Variants in FRAS1 observed in about 807,000 individuals in gnomAD.
The protein encoded by FRAS1 is extracellular matrix organizing protein FRAS1.
In FRAS1, 290 loss-of-function variants were observed where a neutral mutation model predicts 435.2. That is an observed-to-expected ratio of 0.67 (90% CI 0.61 to 0.73). The LOEUF (loss-of-function observed/expected upper bound fraction) is 0.73, where lower values mean the gene tolerates loss of function less well. Among genes scored for constraint, FRAS1 ranks in the 30% least tolerant of loss-of-function variants. The probability of loss-of-function intolerance (pLI) is 0.00; values close to 1 mark genes in which losing one functional copy is unlikely to be tolerated. For missense variants in FRAS1, 4,860 were observed against 5,001.5 expected (o/e 0.97, Z 0.85); for synonymous variants, 1,800 against 1,851.0 (o/e 0.97, Z 0.71).
rs749879792 is a variant in FRAS1 at position 78,541,068 on chromosome 4, A to G, written c.11983A>G (p.Arg3995Gly). The G allele has an allele frequency of 7.0e-7, 1 of 1,419,940 alleles. No individual in the cohort carries two copies. The allele number at this position is 1,419,940 out of a possible 1,614,324, so 88.0% of individuals were successfully genotyped here. A position where few individuals can be genotyped will look rare whatever the true frequency, so the allele number is the denominator to read the frequency against. ...CACGTTCAAAGGTGCTAAAGTCAAAAGACTGAATCTAGAAGTCAGAGTTCA... is the reference window on the plus strand; with the variant it reads ...CACGTTCAAAGGTGCTAAAGTCAAAGGACTGAATCTAGAAGTCAGAGTTCA... ...AYTFKGAKVK[R>G]LNLEVRVHNN... Residue 3995 changes from arginine to glycine, a missense_variant, in exon 74 of 74, where the codon AGA (arginine) becomes GGA (glycine). By Grantham distance (125) the Arg-to-Gly change is moderately radical. Coordinates refer to ENST00000512123, the MANE Select transcript of FRAS1 (RefSeq NM_025074.7).
intron 24 of FRAS1, among the ~76,000 whole-genome samples, chr4:78,373,265 A>G (rs569795500): frequency 2.0e-5 from 3 of 152,066 alleles, no homozygotes; most frequent in East Asian, 3.9e-4. Flanking sequence ...GCTCACAATC[A>G]TCTGTCTCTG....
chr4:78,111,606 G>A (rs1446176175), intron 2 of FRAS1, among the ~76,000 whole-genome samples: 25 of 100,340 alleles, frequency 2.5e-4, no homozygotes, highest in African/African-American at 9.5e-4. Context: ...CTGTGGTGGG[G>A]TCGGGGGAGG....
intron 27 of FRAS1, among the ~76,000 whole-genome samples, chr4:78,380,282 A>G (rs1358638886): frequency 6.6e-6 from 1 of 152,190 alleles, no homozygotes; most frequent in African/African-American, 2.4e-5. Context: ...GGCCCAGCAG[A>G]AACAAAACTG....
rs775451018 is a variant in FRAS1 at position 78,521,569 on chromosome 4, A to C, written c.10587A>C (p.Arg3529Ser). Residue 3529 changes from arginine (R) to serine (S), a missense_variant, in exon 68 of 74, where the codon AGA becomes AGC. By Grantham distance (110) the Arg-to-Ser change is moderately radical. Coordinates refer to ENST00000512123, the MANE Select transcript of FRAS1 (RefSeq NM_025074.7). ...SVLSARLQII[R>S]IYIREDGRLV... ...TCTCTGCAAGGCTTCAGATAATAAG[A>C]ATCTACATTCGAGAGGATGGCCGTC... is the stretch of plus-strand genomic sequence containing the variant. 8 of 1,611,782 alleles carry C rather than the reference A, an allele frequency of 5.0e-6. No homozygotes were observed. The Admixed American group carries it at 1.2e-4, about 24-fold the overall frequency.
chr4:78,116,004 T>A (rs1410364656), intron 2 of FRAS1, among the ~76,000 whole-genome samples: 1 of 152,212 alleles, frequency 6.6e-6, no homozygotes, highest in African/African-American at 2.4e-5. Context: ...GCTTTTAATG[T>A]GTCCCAGAGA....
chr4:78,499,291 A>G (rs1421521483), intron 60 of FRAS1, among the ~76,000 whole-genome samples: 3 of 152,224 alleles, frequency 2.0e-5, no homozygotes, highest in Non-Finnish European at 4.4e-5. Flanking sequence ...GAGATAAATT[A>G]TAAACCTTTG....
At chr4:78,469,873 C>T (rs1719648833) in intron 50 of FRAS1, 105 bp from the exon 51 acceptor site, 8 of 813,846 alleles carry the variant, frequency 9.8e-6, no homozygotes, top group Non-Finnish European at 1.7e-5. Flanking sequence ...TCCCTCATCT[C>T]TGAAGTGTTA....
At chr4:78,141,903 A>G (rs1435370890) in intron 2 of FRAS1, among the ~76,000 whole-genome samples, 1 of 152,128 alleles carries the variant, frequency 6.6e-6, no homozygotes, top group Non-Finnish European at 1.5e-5. Flanking sequence ...CAAACATCAT[A>G]TGTTCTCACT....
intron 2 of FRAS1, among the ~76,000 whole-genome samples, chr4:78,152,607 CTTTTTTTTTTTTT>C (rs71214398): frequency 1.4e-5 from 1 of 72,412 alleles, no homozygotes; most frequent in Non-Finnish European, 2.4e-5. Flanking sequence ...ATGTAGGCTG[CTTTTTTTTTTTTT>C]TTTTTTTTTT....
chr4:78,347,980 A>ACATGGTAAGAGTGATGCTCATGACGT (rs74926675), intron 20 of FRAS1, among the ~76,000 whole-genome samples: 1 of 51,954 alleles, frequency 1.9e-5, no homozygotes, highest in South Asian at 3.2e-4. Flanking sequence ...GCTTCAAGAT[A>ACATGGTAAGAGTGATGCTCATGACGT]GGGGAGGAGC....
At chr4:78,272,544 C>T (rs1726761869) in intron 9 of FRAS1, among the ~76,000 whole-genome samples, 1 of 152,178 alleles carries the variant, frequency 6.6e-6, no homozygotes, top group Admixed American at 6.5e-5. Context: ...AGCCAGTTTT[C>T]CCAGTACCAT....
intron 2 of FRAS1, among the ~76,000 whole-genome samples, chr4:78,137,540 T>C (rs941194215): frequency 2.6e-5 from 4 of 152,246 alleles, no homozygotes; most frequent in Non-Finnish European, 5.9e-5. Flanking sequence ...TGAATGATAA[T>C]AGTGCTGTCT....
At chr4:78,274,280 G>A (rs1164138755) in intron 9 of FRAS1, among the ~76,000 whole-genome samples, 1 of 151,196 alleles carries the variant, frequency 6.6e-6, no homozygotes, top group East Asian at 1.9e-4. Flanking sequence ...TGGATTCATT[G>A]ATTTTTTGAA....
At chr4:78,370,331 A>G (rs762679930) in intron 23 of FRAS1, among the ~76,000 whole-genome samples, 17 of 152,322 alleles carry the variant, frequency 1.1e-4, no homozygotes, top group Non-Finnish European at 2.1e-4. Context: ...TTTGCCTTTT[A>G]AAAATCAGAA....
At chr4:78,304,877 T>A (rs1728624599) in intron 14 of FRAS1, among the ~76,000 whole-genome samples, 1 of 152,008 alleles carries the variant, frequency 6.6e-6, no homozygotes, top group Non-Finnish European at 1.5e-5. Context: ...TCTGCTCTGA[T>A]TTTAGTTATT....
chr4:78,124,541 A>G (rs1719227840), intron 2 of FRAS1, among the ~76,000 whole-genome samples: 1 of 152,238 alleles, frequency 6.6e-6, no homozygotes, highest in African/African-American at 2.4e-5. Context: ...TAGTTTCAGA[A>G]GGAATGGTAC....
intron 27 of FRAS1, 144 bp downstream of exon 27, chr4:78,380,140 A>C: frequency 1.3e-5 from 11 of 858,558 alleles, no homozygotes; most frequent in Non-Finnish European, 1.8e-5. Context: ...AAATACTCTC[A>C]GCTGCCTGTC....
intron 28 of FRAS1, among the ~76,000 whole-genome samples, chr4:78,386,496 A>C (rs539476178): frequency 6.6e-6 from 1 of 152,312 alleles, no homozygotes. Context: ...CATTCCTTTA[A>C]TAGAGATTGT....
At chr4:78,540,417 C>G (rs1722011566) in intron 73 of FRAS1, 114 bp from the exon 74 acceptor site, 1 of 590,814 alleles carries the variant, frequency 1.7e-6, no homozygotes, top group Admixed American at 3.7e-5. Context: ...ATTGCTAATG[C>G]TTTTCTGGAA....
Sources: allele counts gnomAD v4.1 joint callset (sites outside exome capture counted in the v4.1 genomes callset), GRCh38; gene constraint gnomAD v4.1.1; transcripts MANE v1.5; gene names NCBI Gene and HGNC (gene_info 2026-07-23, HGNC 2026-07-21).